MAP4K4: variants seen among roughly 807,000 people sequenced by gnomAD.
The protein encoded by MAP4K4 is HPK/GCK-like kinase HGK.
MAP4K4 carries 38 observed loss-of-function variants against 189.6 expected under a neutral mutation model. The ratio of observed to expected loss-of-function variants is 0.20; its 90% confidence interval spans 0.15 to 0.26. The LOEUF (loss-of-function observed/expected upper bound fraction) is 0.26. MAP4K4 is among the 10% of genes least tolerant of loss of function. The probability of loss-of-function intolerance (pLI) is 1.00; values close to 1 mark genes in which losing one functional copy is unlikely to be tolerated. For missense variants in MAP4K4, 1,054 were observed against 1,726.9 expected (o/e 0.61, Z 6.91); for synonymous variants, 610 against 624.3 (o/e 0.98, Z 0.34).
intron 2 of MAP4K4, among the ~76,000 whole-genome samples, chr2:101,756,097 C>T (rs1014174192): frequency 3.3e-5 from 5 of 151,814 alleles, no homozygotes; most frequent in South Asian, 4.2e-4. Flanking sequence ...ACCGCCACCA[C>T]GTCTGGCTAA....
intron 4 of MAP4K4, among the ~76,000 whole-genome samples, chr2:101,825,022 G>A (rs1267045478): frequency 6.6e-6 from 1 of 152,196 alleles, no homozygotes; most frequent in Non-Finnish European, 1.5e-5. Context: ...GTGATGAAGA[G>A]CAAAGTGGTC....
At chr2:101,710,919 T>G (rs1031499230) in intron 2 of MAP4K4, among the ~76,000 whole-genome samples, 2 of 152,202 alleles carry the variant, frequency 1.3e-5, no homozygotes, top group African/African-American at 2.4e-5. Context: ...CAGTTTGCCT[T>G]GAGCCAGCTG....
intron 2 of MAP4K4, among the ~76,000 whole-genome samples, chr2:101,744,558 G>C (rs950533110): frequency 5.3e-5 from 8 of 152,104 alleles, no homozygotes; most frequent in African/African-American, 1.9e-4. Flanking sequence ...ACCAGCACAA[G>C]AGAGGCCTGA....
chr2:101,708,896 C>G (rs1442784984), intron 2 of MAP4K4, among the ~76,000 whole-genome samples: 1 of 152,240 alleles, frequency 6.6e-6, no homozygotes. Context: ...TTTTGAGGTT[C>G]GACCATGTAG....
chr2:101,853,630 G>A (rs2097353221), intron 12 of MAP4K4, among the ~76,000 whole-genome samples: 2 of 152,130 alleles, frequency 1.3e-5, no homozygotes, highest in Admixed American at 1.3e-4. Context: ...TAAGAAGTAC[G>A]AGTTTCTGGA....
In MAP4K4 at chr2:101,833,347, A is replaced by G. The variant is rs2096643803; in HGVS notation, c.640-1062A>G. ...AAGAAATACCATCTGATGGCCGGGCATGGTGGCTCACGCCTGTAATCCCAG... is the reference window on the plus strand; with the variant it reads ...AAGAAATACCATCTGATGGCCGGGCGTGGTGGCTCACGCCTGTAATCCCAG... On this transcript the variant is annotated intron_variant, in intron 7 of 32. Transcript: ENST00000324219. Among the ~76,000 whole-genome samples the G allele has an allele frequency of 2.6e-5, 4 of 152,268 alleles. No individual in the cohort carries two copies. The South Asian group carries it at 8.3e-4, about 32-fold the overall frequency.
intron 2 of MAP4K4, among the ~76,000 whole-genome samples, chr2:101,769,449 G>A (rs1340857646): frequency 2.0e-5 from 3 of 152,146 alleles, no homozygotes; most frequent in African/African-American, 7.2e-5. Flanking sequence ...TAACGGGAGT[G>A]GGGGAGAATG....
chr2:101,721,317 C>T (rs2051790756), intron 2 of MAP4K4, among the ~76,000 whole-genome samples: 1 of 151,848 alleles, frequency 6.6e-6, no homozygotes, highest in South Asian at 2.1e-4. Flanking sequence ...TGTGAAAAAC[C>T]ATTTCCAAAG....
At chr2:101,844,199 A>G (rs1475790732) in exon 12 of MAP4K4, 1 of 1,608,944 alleles carries the variant, frequency 6.2e-7, no homozygotes, top group Non-Finnish European at 8.5e-7. Context: ...CGGAGACAAC[A>G]GTTACTACAG....
exon 33 of MAP4K4, chr2:101,891,720 CA>C (rs1397082789): frequency 6.5e-6 from 1 of 154,638 alleles, no homozygotes; most frequent in African/African-American, 2.4e-5. Context: ...AATATAGTAA[CA>C]TTAACAGTGT....
chr2:101,772,846 TACA>T (rs1221298198), intron 2 of MAP4K4, among the ~76,000 whole-genome samples: 1 of 152,178 alleles, frequency 6.6e-6, no homozygotes, highest in Non-Finnish European at 1.5e-5. Context: ...TTGATATGGG[TACA>T]GATGAGGGGA....
chr2:101,796,892 A>G (rs1303357051), intron 3 of MAP4K4, among the ~76,000 whole-genome samples: 1 of 152,162 alleles, frequency 6.6e-6, no homozygotes, highest in Non-Finnish European at 1.5e-5. Context: ...AGAGCAGCCA[A>G]GTAAGAATCT....
At chr2:101,704,617 G>A (rs2041258555) in intron 2 of MAP4K4, among the ~76,000 whole-genome samples, 1 of 122,202 alleles carries the variant, frequency 8.2e-6, no homozygotes, top group African/African-American at 3.4e-5. Context: ...CTGTCGCCCA[G>A]GCTGGAGTGC....
intron 32 of MAP4K4, among the ~76,000 whole-genome samples, chr2:101,889,281 G>A (rs886970054): frequency 1.3e-5 from 2 of 152,174 alleles, no homozygotes; most frequent in East Asian, 1.9e-4. Context: ...AGGAACCGCC[G>A]TGCCATTTGG....
chr2:101,819,555 A>T (rs1559064159), intron 3 of MAP4K4, among the ~76,000 whole-genome samples: 1 of 152,208 alleles, frequency 6.6e-6, no homozygotes, highest in Non-Finnish European at 1.5e-5. Context: ...GAAATGTTCA[A>T]AGTATATATA....
intron 28 of MAP4K4, among the ~76,000 whole-genome samples, chr2:101,883,459 A>G (rs970842776): frequency 6.6e-6 from 1 of 152,178 alleles, no homozygotes; most frequent in South Asian, 2.1e-4. Flanking sequence ...AGCCTCCTGA[A>G]TAGTTGGGAT....
chr2:101,792,087 T>G (rs1024496984), intron 3 of MAP4K4, among the ~76,000 whole-genome samples: 23 of 152,190 alleles, frequency 1.5e-4, no homozygotes, highest in Admixed American at 6.5e-4. Flanking sequence ...GAACAGTAAC[T>G]TCTTGCTTAT....
At chr2:101,827,312 A>G (rs1202408763) in intron 5 of MAP4K4, among the ~76,000 whole-genome samples, 3 of 152,174 alleles carry the variant, frequency 2.0e-5, no homozygotes. Flanking sequence ...TCCTTGTGAC[A>G]AAAGTTTAAA....
chr2:101,760,394 C>T (rs768610482), intron 2 of MAP4K4, among the ~76,000 whole-genome samples: 12 of 150,604 alleles, frequency 8.0e-5, no homozygotes, highest in Admixed American at 3.3e-4. Context: ...GAGGCTGAGG[C>T]AGGAGAATTG....
Sources: gnomAD v4.1 joint callset for allele counts (sites outside exome capture counted in the v4.1 genomes callset) on GRCh38, gnomAD v4.1.1 for gene constraint, MANE v1.5 for transcripts, NCBI Gene and HGNC (gene_info 2026-07-23, HGNC 2026-07-21) for gene names.